TP53BP1: variants seen among roughly 807,000 people sequenced by gnomAD.
TP53BP1 encodes tumor protein p53 binding protein 1.
Under a neutral mutation model 200.8 loss-of-function variants are expected in TP53BP1, and 61 were observed. The ratio of observed to expected loss-of-function variants is 0.30; its 90% CI spans 0.25 to 0.38. The LOEUF (loss-of-function observed/expected upper bound fraction) is 0.38, where lower values mean the gene tolerates loss of function less well. TP53BP1 is among the 10% of genes least tolerant of loss of function. The probability of loss-of-function intolerance (pLI) is 1.00; values close to 1 mark genes in which losing one functional copy is unlikely to be tolerated. For missense variants in TP53BP1, 2,144 were observed against 2,371.9 expected (o/e 0.90, Z 2.00); for synonymous variants, 822 against 844.3 (o/e 0.97, Z 0.46).
At chr15:43,447,306 G>T in intron 13 of TP53BP1, 60 bp downstream of exon 13, 4 of 1,533,162 alleles carry the variant, frequency 2.6e-6, no homozygotes, top group Non-Finnish European at 3.5e-6. Flanking sequence ...AATATCACTT[G>T]TGTAGAGAAT....
intron 13 of TP53BP1, 191 bp downstream of exon 13, chr15:43,447,175 T>A: frequency 1.7e-6 from 1 of 598,138 alleles, no homozygotes; most frequent in Admixed American, 3.3e-5. Flanking sequence ...CCACCCTTTC[T>A]TTCCTTCCTC....
Position 43,475,484 on chromosome 15 carries a change from A to G in TP53BP1, c.1085+81T>C, listed in dbSNP as rs183667195. On this transcript the variant is annotated intron_variant, in intron 9 of 27. Transcript: ENST00000382044. ...TTCAAAAAGAATTCTAGACTAGCAG[A>G]TAAGTTTAGCCTCTTTCAGCCTTAG... The G allele has an allele frequency of 5.3e-6, 8 of 1,505,602 alleles. No individual in the cohort carries two copies. The East Asian group carries it at 9.1e-5, about 17-fold the overall frequency. 93.3% of individuals were successfully genotyped at this position (1,505,602 alleles called of 1,614,324 possible).
At chr15:43,489,413 A>G (rs1468594864) in intron 4 of TP53BP1, among the ~76,000 whole-genome samples, 1 of 152,252 alleles carries the variant, frequency 6.6e-6, no homozygotes, top group Non-Finnish European at 1.5e-5. Flanking sequence ...AAAAACATAG[A>G]TAAGCCTGGC....
In TP53BP1 at chr15:43,469,834, A is replaced by C. The variant is rs751538953; in HGVS notation, c.1389+24T>G. 6 of 1,584,482 alleles carry C rather than the reference A, an allele frequency of 3.8e-6. No homozygotes were observed. The East Asian group carries it at 1.1e-4, about 30-fold the overall frequency. ...TGCTTTAAAAAAATATGTTAGGAGA[A>C]ACAACTCTTTTTACAATACTCACAT... On this transcript the variant is annotated intron_variant, in intron 11 of 27. Coordinates refer to ENST00000382044, the MANE Select transcript of TP53BP1 (RefSeq NM_001141980.3).
intron 27 of TP53BP1, 82 bp downstream of exon 27, chr15:43,407,861 G>A (rs780243589): frequency 3.5e-5 from 49 of 1,382,732 alleles, no homozygotes; most frequent in African/African-American, 8.7e-5. Context: ...TATTAGGCCT[G>A]AGCCTTGGAC....
upstream of TP53BP1, among the ~76,000 whole-genome samples, chr15:43,497,989 C>A (rs1161811115): frequency 6.6e-6 from 1 of 151,912 alleles, no homozygotes; most frequent in Non-Finnish European, 1.5e-5. Context: ...AACAGGATTG[C>A]AATAAAAGAA....
rs2044836009 is a variant in TP53BP1 at position 43,405,410 on chromosome 15, C to T, written c.*1973G>A. 1 of 618,886 alleles carries T rather than the reference C, an allele frequency of 1.6e-6. No homozygotes were observed. Among genetic ancestry groups the T allele is most frequent in the Non-Finnish European group, 2.9e-6 (1 of 349,428 alleles). The allele number at this position is 618,886 out of a possible 1,614,324, so 38.3% of individuals were successfully genotyped here. ...ATCATTCCCATGTGGAAGGGTCTCT[C>T]CCATCAAGGAGAACATGTGGCATCT... On this transcript the variant is annotated 3_prime_UTR_variant, in exon 28 of 28. Transcript: ENST00000382044.
At chr15:43,474,895 C>T (rs1353748798) in intron 9 of TP53BP1, 128 bp from the exon 10 acceptor site, 2 of 588,454 alleles carry the variant, frequency 3.4e-6, no homozygotes, top group Non-Finnish European at 5.9e-6. Flanking sequence ...AGCACTTTTC[C>T]CCAACAGCAA....
chr15:43,416,359 T>C lies in TP53BP1; in HGVS notation c.4739A>G (p.Glu1580Gly). 1 of 1,614,234 alleles carries C rather than the reference T, an allele frequency of 6.2e-7. No homozygotes were observed. The highest frequency in any genetic ancestry group is 8.5e-7 in the Non-Finnish European group (1 of 1,180,040). Residue 1580 changes from glutamate (E) to glycine (G), a missense_variant, in exon 22 of 28, where the codon GAA becomes GGA. Physicochemically the swap from Glu to Gly is moderately conservative, Grantham distance 98. Transcript: ENST00000382044. Reference sequence around the variant, plus strand: ...TCGCTTATACCACTTTCTTTGGCCTTCTTTTTCAATGCTGTAGTACAGTTC... The same window carrying C: ...TCGCTTATACCACTTTCTTTGGCCTCCTTTTTCAATGCTGTAGTACAGTTC... ...SGELYYSIEK[E>G]GQRKWYKRMA...
rs546654529 is a variant in TP53BP1, at chr15:43,410,009, C to T, written c.5306-268G>A. Among the ~76,000 whole-genome samples the T allele has an allele frequency of 2.6e-5, 4 of 152,238 alleles. No homozygotes were observed. The South Asian group carries it at 6.2e-4, about 24-fold the overall frequency. ...CTAAAAACATCAAAGGTTCCTGCAC[C>T]GGACCGTTGATAGGGATGGGAACAC... On this transcript the variant is annotated intron_variant, in intron 24 of 27. Transcript: ENST00000382044.
chr15:43,424,485 C>G (rs2045479581), intron 18 of TP53BP1, among the ~76,000 whole-genome samples: 1 of 152,200 alleles, frequency 6.6e-6, no homozygotes, highest in African/African-American at 2.4e-5. Context: ...AGAATAATAA[C>G]TGGATCTATC....
chr15:43,407,106 C>G lies in TP53BP1; in HGVS notation c.*277G>C, dbSNP rs2242068. 70,816 of 336,150 alleles carry G rather than the reference C, an allele frequency of 0.21. 13,469 individuals are homozygous for G. The highest frequency in any genetic ancestry group is 0.61 in the African/African-American group (29,175 of 47,694). 20.8% of individuals were successfully genotyped at this position (336,150 alleles called of 1,614,324 possible). A position where few individuals can be genotyped will look rare whatever the true frequency, so the allele number is the denominator to read the frequency against. Reference sequence around the variant, plus strand: ...CTCTTAACTTTTCAATTTCCTTGGCCAGCTGTCCTCCGTAAGTGAATAAGC... The same window carrying G: ...CTCTTAACTTTTCAATTTCCTTGGCGAGCTGTCCTCCGTAAGTGAATAAGC... On this transcript the variant is annotated 3_prime_UTR_variant, in exon 28 of 28. Transcript: ENST00000382044.
intron 4 of TP53BP1, among the ~76,000 whole-genome samples, chr15:43,488,209 G>A (rs997982366): frequency 6.6e-6 from 1 of 151,990 alleles, no homozygotes; most frequent in Non-Finnish European, 1.5e-5. Context: ...TGAGATGGGA[G>A]GATTGCTTGA....
upstream of TP53BP1, chr15:43,493,252 A>G: frequency 1.4e-6 from 2 of 1,441,048 alleles, no homozygotes; most frequent in Non-Finnish European, 1.8e-6. Flanking sequence ...GCTGCGGCAG[A>G]GTGCCCTGCC....
intron 11 of TP53BP1, among the ~76,000 whole-genome samples, chr15:43,462,981 CAGG>C (rs2046476953): frequency 6.6e-6 from 1 of 152,090 alleles, no homozygotes; most frequent in Non-Finnish European, 1.5e-5. Context: ...CACTTGAACT[CAGG>C]AGGAGGAGGT....
At chr15:43,423,866 TTC>T (rs2045464616) in intron 18 of TP53BP1, among the ~76,000 whole-genome samples, 1 of 152,170 alleles carries the variant, frequency 6.6e-6, no homozygotes, top group Non-Finnish European at 1.5e-5. Flanking sequence ...GGGTTCCTCT[TTC>T]TCTGTGTGTT....
chr15:43,475,781 A>G (rs1224636430), intron 8 of TP53BP1, 87 bp from the exon 9 acceptor site: 8 of 1,457,462 alleles, frequency 5.5e-6, no homozygotes, highest in Non-Finnish European at 7.5e-6. Context: ...AGTAATATCC[A>G]TATTTCCAAC....
At chr15:43,415,371 G>C (rs1415839211) in intron 23 of TP53BP1, 2 of 649,578 alleles carry the variant, frequency 3.1e-6, no homozygotes, top group East Asian at 2.9e-5. Flanking sequence ...ACCACACTCA[G>C]CTAATTCTGG....
intron 11 of TP53BP1, among the ~76,000 whole-genome samples, chr15:43,460,944 G>A (rs986393084): frequency 1.3e-5 from 2 of 151,110 alleles, no homozygotes; most frequent in Admixed American, 1.3e-4. Context: ...TAAGGCTGCA[G>A]TGAGCAGTGT....
Sources: allele counts gnomAD v4.1 joint callset (sites outside exome capture counted in the v4.1 genomes callset), GRCh38; gene constraint gnomAD v4.1.1; transcripts MANE v1.5; gene names NCBI Gene and HGNC (gene_info 2026-07-23, HGNC 2026-07-21).